RYR2: variants seen among roughly 807,000 people sequenced by gnomAD.
RYR2 encodes cardiac muscle ryanodine receptor-calcium release channel.
RYR2 carries 227 observed loss-of-function variants against 601.1 expected under a neutral mutation model. The ratio of observed to expected loss-of-function variants is 0.38; its 90% CI spans 0.34 to 0.42. The LOEUF (loss-of-function observed/expected upper bound fraction) is 0.42. Ranked by LOEUF, RYR2 falls within the 10% of genes least tolerant of loss-of-function variation. The pLI is 1.00. For missense variants in RYR2, 4,646 were observed against 6,156.5 expected (o/e 0.75, Z 8.21); for synonymous variants, 2,223 against 2,175.1 (o/e 1.02, Z -0.61).
At chr1:237,605,589 A>G (rs1677028774) in intron 35 of RYR2, among the ~76,000 whole-genome samples, 1 of 152,192 alleles carries the variant, frequency 6.6e-6, no homozygotes, top group South Asian at 2.1e-4. Flanking sequence ...AGGAAAAGAA[A>G]TAAAGGGTAT....
rs1681785321 is a variant in RYR2, at chr1:237,643,450, A to G, written c.7342+3A>G. On this transcript the variant is annotated splice_donor_region_variant and intron_variant, in intron 48 of 104. Transcript: ENST00000366574. The stretch of plus-strand genomic sequence containing the variant: ...TCAGATGCCAACAATAGCCAAAGGT[A>G]AGGCCAACTTCAATTTGTCCTAATT... The G allele has an allele frequency of 1.2e-6, 2 of 1,613,704 alleles. No individual in the cohort carries two copies. Among genetic ancestry groups the G allele is most frequent in the African/African-American group, 2.7e-5 (2 of 74,912 alleles).
chr1:237,475,650 A>G (rs1661318432), intron 17 of RYR2, among the ~76,000 whole-genome samples: 1 of 152,160 alleles, frequency 6.6e-6, no homozygotes. Context: ...CTGTAACTGT[A>G]TAGATTTGTG....
intron 7 of RYR2, among the ~76,000 whole-genome samples, chr1:237,376,753 C>A (rs1374418907): frequency 6.6e-6 from 1 of 152,048 alleles, no homozygotes; most frequent in Non-Finnish European, 1.5e-5. Flanking sequence ...TAGAAGGATT[C>A]TCTTATATGT....
intron 1 of RYR2, among the ~76,000 whole-genome samples, chr1:237,210,326 G>T (rs1236001489): frequency 4.6e-5 from 7 of 152,058 alleles, no homozygotes; most frequent in African/African-American, 1.7e-4. Flanking sequence ...CCTTGTCTTA[G>T]ATGCTATTTT....
intron 1 of RYR2, among the ~76,000 whole-genome samples, chr1:237,177,472 C>T (rs1678183900): frequency 6.6e-6 from 1 of 152,142 alleles, no homozygotes; most frequent in African/African-American, 2.4e-5. Context: ...TATTCTCTTG[C>T]TTTCCTATTT....
chr1:237,724,382 A>G (rs1017471434), intron 74 of RYR2, among the ~76,000 whole-genome samples: 1 of 151,460 alleles, frequency 6.6e-6, no homozygotes, highest in Admixed American at 6.6e-5. Flanking sequence ...ACAGTTTAAT[A>G]ATGCAAAGAT....
At chr1:237,284,154 G>A (rs187172028) in intron 2 of RYR2, among the ~76,000 whole-genome samples, 155 of 152,160 alleles carry the variant, frequency 1.0e-3, no homozygotes, top group Admixed American at 5.5e-3. Flanking sequence ...AGGCCGAGGC[G>A]GGTGGATCAC....
At chr1:237,515,887 T>G (rs1484768757) in intron 24 of RYR2, among the ~76,000 whole-genome samples, 4 of 147,124 alleles carry the variant, frequency 2.7e-5, no homozygotes, top group Non-Finnish European at 6.0e-5. Flanking sequence ...CCTCTTCTCC[T>G]CCTCCCTCTT....
chr1:237,303,045 A>G (rs1371044012), intron 2 of RYR2, among the ~76,000 whole-genome samples: 2 of 152,148 alleles, frequency 1.3e-5, no homozygotes, highest in African/African-American at 4.8e-5. Flanking sequence ...GTTTTGAAAG[A>G]ATTGTACTTC....
chr1:237,413,572 C>T (rs145943417), intron 10 of RYR2, among the ~76,000 whole-genome samples: 1 of 152,016 alleles, frequency 6.6e-6, no homozygotes, highest in African/African-American at 2.4e-5. Flanking sequence ...TTCTGTATAC[C>T]TTATTACCTT....
rs115577898 is a variant in RYR2 at position 237,672,931 on chromosome 1, A to C, written c.8591-1165A>C. On this transcript the variant is annotated intron_variant, in intron 58 of 104. Transcript: ENST00000366574. The stretch of plus-strand genomic sequence containing the variant: ...GCACAGTGTCACCTAATGGTATTAA[A>C]GTTCAGTGGGCGATTGCATGTCTGT... Among the ~76,000 whole-genome samples, 497 of 152,294 alleles carry C rather than the reference A, an allele frequency of 3.3e-3. 5 individuals carry two copies. Among genetic ancestry groups the C allele is most frequent in the African/African-American group, 0.011 (464 of 41,564 alleles).
chr1:237,662,487 TG>T (rs778362343), intron 56 of RYR2, among the ~76,000 whole-genome samples: 52 of 57,960 alleles, frequency 9.0e-4, no homozygotes, highest in Middle Eastern at 0.01. Context: ...GAGAAAGGGA[TG>T]TTTTTTTTTT....
chr1:237,818,628 A>G (rs924857962), intron 100 of RYR2, among the ~76,000 whole-genome samples: 4 of 152,016 alleles, frequency 2.6e-5, no homozygotes, highest in African/African-American at 7.2e-5. Flanking sequence ...CTAAGATTCC[A>G]TCTTATTACC....
At chr1:237,630,438 G>A (rs1460152759) in intron 41 of RYR2, among the ~76,000 whole-genome samples, 3 of 151,962 alleles carry the variant, frequency 2.0e-5, no homozygotes, top group African/African-American at 7.2e-5. Context: ...CTATCTAAAA[G>A]CCCTGTTCAT....
At chr1:237,512,801 A>C (rs1054161639) in intron 24 of RYR2, among the ~76,000 whole-genome samples, 2 of 152,094 alleles carry the variant, frequency 1.3e-5, no homozygotes, top group African/African-American at 4.8e-5. Flanking sequence ...AGCCTGGGAG[A>C]TTGAGGCTCC....
intron 101 of RYR2, among the ~76,000 whole-genome samples, chr1:237,820,187 CAA>C (rs141962001): frequency 0.013 from 934 of 71,312 alleles, 5 homozygotes; most frequent in African/African-American, 0.04. Context: ...AACTCCATCT[CAA>C]AAAAAAAAAA....
At chr1:237,161,020 T>C (rs1305103389) in intron 1 of RYR2, among the ~76,000 whole-genome samples, 1 of 152,162 alleles carries the variant, frequency 6.6e-6, no homozygotes, top group Non-Finnish European at 1.5e-5. Flanking sequence ...AAATCATATA[T>C]TTTAAACTTG....
At chr1:237,776,892 A>AATC (rs1042787484) in intron 87 of RYR2, among the ~76,000 whole-genome samples, 2 of 152,128 alleles carry the variant, frequency 1.3e-5, no homozygotes, top group Admixed American at 6.5e-5. Flanking sequence ...AAAGTTATTC[A>AATC]ATCAGACCTC....
At chr1:237,736,201 C>G (rs1384768065) in intron 79 of RYR2, among the ~76,000 whole-genome samples, 1 of 152,058 alleles carries the variant, frequency 6.6e-6, no homozygotes, top group South Asian at 2.1e-4. Flanking sequence ...TGGCTCACAC[C>G]TATAATCTCA....
Sources: allele counts gnomAD v4.1 joint callset (sites outside exome capture counted in the v4.1 genomes callset), GRCh38; gene constraint gnomAD v4.1.1; transcripts MANE v1.5; gene names NCBI Gene and HGNC (gene_info 2026-07-23, HGNC 2026-07-21).